The following HS6ST2 variants were observed in gnomAD, a reference collection of about 807,000 sequenced individuals.
HS6ST2 encodes the protein heparan-sulfate 6-O-sulfotransferase 2.
A neutral mutation model predicts 33.0 loss-of-function variants in HS6ST2; 17 were observed. The ratio of observed to expected loss-of-function variants is 0.52; its 90% CI spans 0.35 to 0.77. The LOEUF (loss-of-function observed/expected upper bound fraction) is 0.77, where lower values mean the gene tolerates loss of function less well. HS6ST2 is among the 30% of genes least tolerant of loss of function. HS6ST2 has a pLI of 0.01. For synonymous variants in HS6ST2, 248 were observed against 237.1 expected (o/e 1.05, Z -0.42); for missense variants, 519 against 551.7 (o/e 0.94, Z 0.59).
chrX:132,766,347 G>T (rs5933187), intron 2 of HS6ST2, among the ~76,000 whole-genome samples: 34,062 of 111,053 alleles, frequency 0.31, 4,064 homozygotes, highest in Non-Finnish European at 0.35. Context: ...AAGAAAGGCA[G>T]GCCTAAAAGG....
intron 2 of HS6ST2, among the ~76,000 whole-genome samples, chrX:132,757,138 T>G (rs143333704): frequency 0.013 from 1,398 of 111,296 alleles, 27 homozygotes; most frequent in African/African-American, 0.044. Flanking sequence ...ACAAGGAGCA[T>G]CCTCTGGAGA....
At chrX:132,808,211 C>T (rs953246716) in intron 2 of HS6ST2, among the ~76,000 whole-genome samples, 1 of 111,393 alleles carries the variant, frequency 9.0e-6, no homozygotes, top group African/African-American at 3.3e-5. Context: ...CACTCAAACC[C>T]CCAACTACTC....
rs1350567495 is a variant in HS6ST2 at position 132,945,056 on chromosome X, A to T, written c.947+11752T>A. On this transcript the variant is annotated intron_variant, in intron 2 of 4. Transcript: ENST00000370833. ...GCACAGCAAAAGAAACTACCATCAG[A>T]GTGAACAGGCAACCTACAGAATGGG... 3.6e-5 allele frequency among the ~76,000 whole-genome samples: 4 copies of T among 112,046 alleles called. No homozygotes were observed. In the East Asian group the frequency reaches 1.1e-3, roughly 31 times the overall value.
chrX:132,837,840 T>C (rs1412346162), intron 2 of HS6ST2, among the ~76,000 whole-genome samples: 1 of 112,190 alleles, frequency 8.9e-6, no homozygotes, highest in East Asian at 2.8e-4. Context: ...TGCTGTACTC[T>C]GTGCATTATT....
intron 2 of HS6ST2, among the ~76,000 whole-genome samples, chrX:132,876,614 G>T (rs1349503103): frequency 9.0e-6 from 1 of 110,678 alleles, no homozygotes; most frequent in East Asian, 2.9e-4. Flanking sequence ...TAGAGGGAGG[G>T]AGGCGAGTGC....
At chrX:132,958,746 C>T, upstream of HS6ST2, 1 of 523,187 alleles carries the variant, frequency 1.9e-6, no homozygotes, top group South Asian at 4.1e-5. Flanking sequence ...GGTCACTCCG[C>T]TTAGCGCATC....
intron 4 of HS6ST2, among the ~76,000 whole-genome samples, chrX:132,642,190 G>A (rs1357304943): frequency 3.6e-5 from 4 of 111,047 alleles, no homozygotes; most frequent in Non-Finnish European, 5.7e-5. Flanking sequence ...CCAGTCCCAC[G>A]CATTCACCTG....
At chrX:132,785,845 G>A (rs1486517465) in intron 2 of HS6ST2, among the ~76,000 whole-genome samples, 2 of 111,729 alleles carry the variant, frequency 1.8e-5, no homozygotes, top group Non-Finnish European at 3.8e-5. Context: ...AACCAACTGA[G>A]GGAGCACCGT....
chrX:132,731,715 C>T (rs1039545794), intron 2 of HS6ST2, among the ~76,000 whole-genome samples: 1 of 111,181 alleles, frequency 9.0e-6, no homozygotes, highest in East Asian at 2.8e-4. Context: ...AGTGTGGTGG[C>T]GGGCACCTGT....
In HS6ST2 at chrX:132,957,081, C is replaced by T. The variant is rs777393208; in HGVS notation, c.674G>A (p.Gly225Asp). The change falls in exon 2 of 5, where the codon GGC becomes GAC. Residue 225 changes from glycine (G) to aspartate (D), a missense_variant. Gly to Asp is a moderately conservative substitution (Grantham distance 94). Transcript: ENST00000370833. The stretch of plus-strand genomic sequence containing the variant: ...GTGCAGGAACACGATCAGGTCATCG[C>T]CCTTGATGTCGAAGTCTACCTTGCG... Reference protein sequence around the residue: ...LLRKVDFDIKGDDLIVFLHIQ... With the variant: ...LLRKVDFDIKDDDLIVFLHIQ... 1.7e-6 allele frequency: 2 copies of T among 1,211,763 alleles called. No homozygotes were observed.
At chrX:132,817,938 T>C (rs778448013) in intron 2 of HS6ST2, among the ~76,000 whole-genome samples, 1 of 112,003 alleles carries the variant, frequency 8.9e-6, no homozygotes, top group Non-Finnish European at 1.9e-5. Flanking sequence ...AAGTGCTACA[T>C]GCACTTTAGG....
chrX:132,938,640 A>AAAT (rs754088125), intron 2 of HS6ST2, among the ~76,000 whole-genome samples: 242 of 109,831 alleles, frequency 2.2e-3, no homozygotes, highest in Non-Finnish European at 3.5e-3. Flanking sequence ...ACCTTGTCTC[A>AAAT]AATAATAATA....
rs540985556 is a variant in HS6ST2, at chrX:132,780,710, C to G, written c.948-72216G>C. 9.9e-5 allele frequency among the ~76,000 whole-genome samples: 11 copies of G among 111,548 alleles called. No homozygotes were observed. The South Asian group carries it at 2.7e-3, about 27-fold the overall frequency. The stretch of plus-strand genomic sequence containing the variant: ...GTTGTGAGAATGACATGAGATAATG[C>G]AGGCAAAGACTTAGCACAGTGCCTG... On this transcript the variant is annotated intron_variant, in intron 2 of 4. Transcript: ENST00000370833.
chrX:132,869,807 A>G (rs2066038375), intron 2 of HS6ST2, among the ~76,000 whole-genome samples: 1 of 111,983 alleles, frequency 8.9e-6, no homozygotes, highest in Admixed American at 9.5e-5. Flanking sequence ...CACAGCCAAT[A>G]TCATAATGAA....
intron 2 of HS6ST2, among the ~76,000 whole-genome samples, chrX:132,865,509 G>A (rs2065965090): frequency 9.1e-6 from 1 of 109,826 alleles, no homozygotes; most frequent in Non-Finnish European, 1.9e-5. Context: ...GGGATGGCTG[G>A]GTCAAATGGT....
At chrX:132,881,961 C>T (rs1602801837) in intron 2 of HS6ST2, among the ~76,000 whole-genome samples, 1 of 110,558 alleles carries the variant, frequency 9.0e-6, no homozygotes, top group African/African-American at 3.3e-5. Flanking sequence ...TTCTGAGGGC[C>T]CTGTTCTGTT....
intron 2 of HS6ST2, among the ~76,000 whole-genome samples, chrX:132,859,492 A>G (rs12836237): frequency 9.1e-6 from 1 of 110,167 alleles, no homozygotes; most frequent in Non-Finnish European, 1.9e-5. Flanking sequence ...AATTGGAGGA[A>G]CATTAGGACA....
At chrX:132,754,749 C>G (rs113811243) in intron 2 of HS6ST2, among the ~76,000 whole-genome samples, 4,682 of 109,146 alleles carry the variant, frequency 0.043, 255 homozygotes, top group African/African-American at 0.15. Flanking sequence ...TCTTGCTCTG[C>G]TGCCCAGGCT....
rs1393764727 is a variant in HS6ST2, at chrX:132,861,515, G to C, written c.947+95293C>G. Among the ~76,000 whole-genome samples the C allele has an allele frequency of 3.6e-5, 4 of 112,519 alleles. No homozygotes were observed. In the East Asian group the frequency reaches 1.1e-3, roughly 31 times the overall value. ...TTCATCAAATTTGCTTCCTAAATCA[G>C]AGTAATTTTAGCTGCCGCAGGCAGC... is the stretch of plus-strand genomic sequence containing the variant. On this transcript the variant is annotated intron_variant, in intron 2 of 4. Transcript: ENST00000370833.
Sources: gnomAD v4.1 joint callset for allele counts (sites outside exome capture counted in the v4.1 genomes callset) on GRCh38, gnomAD v4.1.1 for gene constraint, MANE v1.5 for transcripts, NCBI Gene and HGNC (gene_info 2026-07-23, HGNC 2026-07-21) for gene names.